Variants in TCTN1 observed in about 807,000 individuals in gnomAD.
TCTN1 encodes the protein tectonic family member 1.
TCTN1 carries 58 observed loss-of-function variants against 65.8 expected under a neutral mutation model. The observed-to-expected ratio is 0.88, with a 90% confidence interval of 0.71 to 1.10. The LOEUF is 1.10. TCTN1 is among the 50% of genes least tolerant of loss of function. TCTN1 has a pLI of 0.00. For synonymous variants in TCTN1, 273 were observed against 289.1 expected, an observed-to-expected ratio of 0.94 and a Z score of 0.57; for missense variants, 645 against 719.4, an observed-to-expected ratio of 0.90 and a Z score of 1.18.
chr12:110,641,702 T>C, intron 10 of TCTN1, 75 bp downstream of exon 10: 4 of 1,449,420 alleles, frequency 2.8e-6, no homozygotes, highest in Non-Finnish European at 2.9e-6. Flanking sequence ...TCTTTATCGC[T>C]GAGGCTCCCC....
chr12:110,648,584 A>AAAT (rs1232538003), intron 14 of TCTN1: 1 of 158,938 alleles, frequency 6.3e-6, no homozygotes, highest in African/African-American at 2.4e-5. Context: ...GAGTACAAAA[A>AAAT]AATAGCAAAA....
intron 4 of TCTN1, chr12:110,630,269 A>G (rs1189925758): frequency 6.6e-6 from 1 of 152,238 alleles, no homozygotes; most frequent in Non-Finnish European, 1.5e-5. Context: ...AGAGGATTTA[A>G]GGTTGTTTAT....
intron 2 of TCTN1, among the ~76,000 whole-genome samples, chr12:110,620,372 C>T (rs561031073): frequency 5.7e-4 from 86 of 151,800 alleles, no homozygotes; most frequent in Non-Finnish European, 1.0e-3. Context: ...TGCGCTACTG[C>T]ACTCTAGCCT....
At chr12:110,642,429 C>G (rs899335290) in intron 11 of TCTN1, 40 bp downstream of exon 11, 10 of 1,614,036 alleles carry the variant, frequency 6.2e-6, no homozygotes, top group Non-Finnish European at 8.5e-6. Flanking sequence ...TTGTGCTGAT[C>G]AGAAAACAAA....
chr12:110,642,631 C>T (rs1032057298), intron 11 of TCTN1, among the ~76,000 whole-genome samples: 1 of 152,124 alleles, frequency 6.6e-6, no homozygotes, highest in South Asian at 2.1e-4. Flanking sequence ...GATGGGGTCT[C>T]GCTCTGTCTC....
chr12:110,636,744 C>CACTGA (rs1190350902), intron 7 of TCTN1, among the ~76,000 whole-genome samples: 1 of 152,178 alleles, frequency 6.6e-6, no homozygotes, highest in Non-Finnish European at 1.5e-5. Context: ...TCAGTGACAC[C>CACTGA]ACTGTCGTGA....
intron 11 of TCTN1, among the ~76,000 whole-genome samples, chr12:110,642,886 G>T (rs2067054314): frequency 6.6e-6 from 1 of 151,990 alleles, no homozygotes; most frequent in South Asian, 2.1e-4. Flanking sequence ...CTCCTGAGTA[G>T]CTGGGACTAC....
intron 3 of TCTN1, chr12:110,627,844 C>T (rs532477913): frequency 3.8e-5 from 23 of 604,738 alleles, no homozygotes; most frequent in Admixed American, 1.8e-4. Flanking sequence ...ATCAGAGACA[C>T]GTTTATGCTT....
At chr12:110,629,004 G>T (rs774688732) in intron 4 of TCTN1, 86 bp downstream of exon 4, 24 of 1,504,798 alleles carry the variant, frequency 1.6e-5, no homozygotes, top group Non-Finnish European at 2.1e-5. Flanking sequence ...AGGAAAACTG[G>T]GTTCCTTGAG....
Position 110,619,850 on chromosome 12 carries a change from G to A in TCTN1, c.235G>A (p.Val79Ile), listed in dbSNP as rs1443781134. 1.9e-6 allele frequency: 3 copies of A among 1,613,988 alleles called. No homozygotes were observed. In the African/African-American group the frequency reaches 4.0e-5, roughly 22 times the overall value. ...TTTTTCTGCAGTTGCTGTTCTCTGT[G>A]TCTGTGACTTATCCCCAGCACAGTG... ...TPVTDVAVLC[V>I]CDLSPAQCDI... is the part of the protein sequence containing the mutation. Residue 79 changes from valine to isoleucine, a missense_variant, in exon 2 of 15, where the codon GTC becomes ATC. Val to Ile is a conservative substitution (Grantham distance 29, BLOSUM62 3). Transcript: ENST00000397659.
rs1312280576 is a variant in TCTN1, at chr12:110,626,478, T to C, written c.458T>C (p.Ile153Thr). The change falls in exon 3 of 15, where the codon ATT becomes ACT. Residue 153 changes from isoleucine (I) to threonine (T), a missense_variant. Coordinates refer to ENST00000397659, the MANE Select transcript of TCTN1 (RefSeq NM_001082538.3). ...VDQINPSIFC[I>T]HITNYKPALS... ...CAGATTAATCCATCTATTTTCTGCA[T>C]TCATATTACAAACTGTAAGTATTTG... 22 of 1,612,472 alleles carry C rather than the reference T, an allele frequency of 1.4e-5. No homozygotes were observed. Among genetic ancestry groups the C allele is most frequent in the Non-Finnish European group, 1.9e-5 (22 of 1,179,480 alleles).
At chr12:110,646,492 C>T (rs1002766026) in intron 12 of TCTN1, 3 of 152,656 alleles carry the variant, frequency 2.0e-5, no homozygotes, top group Non-Finnish European at 4.4e-5. Context: ...ACAGTTACCA[C>T]ATTTGCCAAC....
At chr12:110,616,280 C>A in intron 1 of TCTN1, 1 of 443,536 alleles carries the variant, frequency 2.3e-6, no homozygotes. Flanking sequence ...GTCACAGGGT[C>A]TCACTCTGTC....
At chr12:110,616,889 C>T (rs552401786) in intron 1 of TCTN1, 1 of 152,348 alleles carries the variant, frequency 6.6e-6, no homozygotes, top group African/African-American at 2.4e-5. Flanking sequence ...CATTAGTACC[C>T]TGCTCTACAA....
chr12:110,623,749 G>A (rs187743388), intron 2 of TCTN1, among the ~76,000 whole-genome samples: 8 of 152,094 alleles, frequency 5.3e-5, no homozygotes, highest in South Asian at 2.1e-4. Flanking sequence ...CCAGCATGCC[G>A]GGCTAATTTT....
intron 14 of TCTN1, chr12:110,648,828 A>G (rs956448094): frequency 1.4e-5 from 5 of 344,890 alleles, no homozygotes; most frequent in African/African-American, 1.1e-4. Flanking sequence ...TTTATTTTAT[A>G]CAGTAGTTGT....
intron 2 of TCTN1, chr12:110,625,822 C>G (rs1216076509): frequency 7.4e-6 from 1 of 135,128 alleles, no homozygotes. Context: ...GGCGCGATCT[C>G]GGGTCACTGC....
At chr12:110,641,729 A>C in intron 10 of TCTN1, 102 bp downstream of exon 10, 1 of 1,218,288 alleles carries the variant, frequency 8.2e-7, no homozygotes, top group Non-Finnish European at 1.2e-6. Flanking sequence ...GCTTGTGGGA[A>C]GGAGAGAGCA....
intron 5 of TCTN1, chr12:110,634,418 T>C: frequency 1.8e-6 from 1 of 543,550 alleles, no homozygotes; most frequent in Non-Finnish European, 3.5e-6. Flanking sequence ...GGTTCACACC[T>C]GTAATCCCAG....
Sources: gnomAD v4.1 joint callset for allele counts (sites outside exome capture counted in the v4.1 genomes callset) on GRCh38, gnomAD v4.1.1 for gene constraint, MANE v1.5 for transcripts, NCBI Gene and HGNC (gene_info 2026-07-23, HGNC 2026-07-21) for gene names.